NCOA2: variants seen among roughly 807,000 people sequenced by gnomAD.
NCOA2 encodes the protein class E basic helix-loop-helix protein 75.
NCOA2 carries 21 observed loss-of-function variants against 145.1 expected under a neutral mutation model. The observed-to-expected ratio is 0.14, with a 90% confidence interval of 0.10 to 0.21. The LOEUF (loss-of-function observed/expected upper bound fraction) is 0.21, where lower values mean the gene tolerates loss of function less well. Ranked by LOEUF, NCOA2 falls within the 10% of genes least tolerant of loss-of-function variation. The pLI, the probability that NCOA2 is intolerant of heterozygous loss-of-function variation, is 1.00. For synonymous variants in NCOA2, 619 were observed against 637.5 expected (o/e 0.97, Z 0.44); for missense variants, 1,472 against 1,837.6 (o/e 0.80, Z 3.64).
At chr8:70,166,098 A>C (rs543666462) in intron 7 of NCOA2, among the ~76,000 whole-genome samples, 1 of 152,298 alleles carries the variant, frequency 6.6e-6, no homozygotes, top group South Asian at 2.1e-4. Flanking sequence ...CTGGGATTAC[A>C]GGCGTGAGCC....
At chr8:70,149,954 C>T (rs147333489) in intron 11 of NCOA2, among the ~76,000 whole-genome samples, 4 of 152,204 alleles carry the variant, frequency 2.6e-5, no homozygotes, top group African/African-American at 4.8e-5. Flanking sequence ...CATTTTTATC[C>T]GACATACAAT....
chr8:70,175,860 C>T (rs184770688), intron 4 of NCOA2, among the ~76,000 whole-genome samples: 11 of 113,294 alleles, frequency 9.7e-5, no homozygotes, highest in Admixed American at 6.7e-4. Flanking sequence ...GCTTTCAGAA[C>T]CTTAATAATT....
At chr8:70,313,193 G>A (rs1283185885) in intron 1 of NCOA2, among the ~76,000 whole-genome samples, 2 of 152,140 alleles carry the variant, frequency 1.3e-5, no homozygotes, top group African/African-American at 4.8e-5. Flanking sequence ...AGCAAATGAT[G>A]AGGCAAAGGC....
intron 1 of NCOA2, 39 bp downstream of exon 1, chr8:70,403,661 C>G (rs1298595187): frequency 2.7e-6 from 1 of 370,378 alleles, no homozygotes; most frequent in Non-Finnish European, 4.8e-6. Flanking sequence ...CCGCCCGCCC[C>G]CCGCCCGCCC....
chr8:70,155,978 C>G lies in NCOA2; in HGVS notation c.2387G>C (p.Gly796Ala), dbSNP rs748277738. 3 of 1,567,288 alleles carry G rather than the reference C, an allele frequency of 1.9e-6. No homozygotes were observed. The highest frequency in any genetic ancestry group is 8.6e-7 in the Non-Finnish European group (1 of 1,160,048). ...TEKEEMSFEP[G>A]DQPGSELDNL... is the part of the protein sequence containing the mutation. ...AGATGTGATAAAACTTACCTGGTCA[C>G]CAGGCTCAAAGCTCATCTCCTCCTT... The change falls in exon 11 of 23, where the codon GGT becomes GCT. Residue 796 changes from glycine to alanine, a missense_variant. Gly to Ala is a moderately conservative substitution (Grantham distance 60, BLOSUM62 0). Around this residue, in one of 4 missense-constraint regions of NCOA2, gnomAD observed 953 missense variants for 1,062.1 expected, o/e 0.90. Coordinates refer to ENST00000452400, the MANE Select transcript of NCOA2 (RefSeq NM_006540.4).
chr8:70,443,230 TG>T, the NCOA2 span, among the ~76,000 whole-genome samples: 152,090 of 152,092 alleles, frequency 1, 76,044 homozygotes, highest in Middle Eastern at 1. Flanking sequence ...AGCTGGGTGG[TG>T]GGGGGCGCAT....
At chr8:70,441,746 AAG>A in the NCOA2 span, among the ~76,000 whole-genome samples, 3 of 150,816 alleles carry the variant, frequency 2.0e-5, no homozygotes, top group Non-Finnish European at 3.0e-5. Flanking sequence ...AGAAACAGGA[AAG>A]AGAGAAAGAA....
chr8:70,183,203 G>A (rs1815680215), intron 4 of NCOA2, among the ~76,000 whole-genome samples: 1 of 152,160 alleles, frequency 6.6e-6, no homozygotes, highest in Admixed American at 6.5e-5. Flanking sequence ...ATTGAGATTA[G>A]ATGAAAGAAG....
At chr8:70,169,619 T>C (rs1240476237) in intron 6 of NCOA2, among the ~76,000 whole-genome samples, 2 of 151,990 alleles carry the variant, frequency 1.3e-5, no homozygotes, top group Non-Finnish European at 2.9e-5. Flanking sequence ...AAAAAAACAA[T>C]CTCTGCATTA....
At chr8:70,324,332 T>G (rs1217172224) in intron 1 of NCOA2, among the ~76,000 whole-genome samples, 3 of 152,118 alleles carry the variant, frequency 2.0e-5, no homozygotes, top group Non-Finnish European at 4.4e-5. Context: ...ATTAATATCT[T>G]TGTTTTTTTT....
intron 2 of NCOA2, among the ~76,000 whole-genome samples, chr8:70,244,432 T>A (rs1401131018): frequency 2.0e-5 from 3 of 152,084 alleles, no homozygotes; most frequent in Non-Finnish European, 4.4e-5. Flanking sequence ...TAACTGTATG[T>A]TATTTAGCTC....
At chr8:70,444,923 T>C in the NCOA2 span, among the ~76,000 whole-genome samples, 2 of 152,242 alleles carry the variant, frequency 1.3e-5, no homozygotes, top group Non-Finnish European at 2.9e-5. Context: ...CTTAGAGTTT[T>C]ATTAATTTCT....
At chr8:70,339,625 C>T (rs563718089) in intron 1 of NCOA2, among the ~76,000 whole-genome samples, 1 of 152,136 alleles carries the variant, frequency 6.6e-6, no homozygotes, top group Non-Finnish European at 1.5e-5. Context: ...GCCCAAATAG[C>T]TAAGACAATC....
upstream of NCOA2, among the ~76,000 whole-genome samples, chr8:70,404,115 CAG>C (rs1814643698): frequency 6.6e-6 from 1 of 152,196 alleles, no homozygotes; most frequent in African/African-American, 2.4e-5. Flanking sequence ...TCTCCGTCGG[CAG>C]AGTCCTCTGA....
chr8:70,293,626 C>CTT (rs1826874042), intron 2 of NCOA2, among the ~76,000 whole-genome samples: 1 of 152,290 alleles, frequency 6.6e-6, no homozygotes, highest in African/African-American at 2.4e-5. Flanking sequence ...ACAGAGAAAA[C>CTT]TTATAAATAA....
chr8:70,340,510 T>C (rs975349803), intron 1 of NCOA2, among the ~76,000 whole-genome samples: 1 of 152,090 alleles, frequency 6.6e-6, no homozygotes, highest in Non-Finnish European at 1.5e-5. Context: ...TGTAAATTAG[T>C]TCAACCATTG....
Position 70,130,929 on chromosome 8 carries a change from T to C in NCOA2, c.3324+908A>G, listed in dbSNP as rs16936747. On this transcript the variant is annotated intron_variant, in intron 16 of 22. Transcript: ENST00000452400. ...TGCAGTCAGTTCAGATAGTGTTTTG[T>C]TCTTTCAAGGGACTATGTTAGGTTA... 2.7e-3 allele frequency among the ~76,000 whole-genome samples: 411 copies of C among 152,378 alleles called. 1 individual carries two copies. The Middle Eastern group carries it at 0.027, about 10-fold the overall frequency.
the NCOA2 span, among the ~76,000 whole-genome samples, chr8:70,448,497 C>T: frequency 6.6e-6 from 1 of 152,152 alleles, no homozygotes; most frequent in Non-Finnish European, 1.5e-5. Flanking sequence ...TTCTGAACTA[C>T]TGCCCTGTGA....
intron 2 of NCOA2, among the ~76,000 whole-genome samples, chr8:70,266,291 T>C (rs1824583516): frequency 6.6e-6 from 1 of 152,200 alleles, no homozygotes; most frequent in South Asian, 2.1e-4. Context: ...GCCACCTGAG[T>C]AGGCGGGACT....
Sources: gnomAD v4.1 joint callset for allele counts (sites outside exome capture counted in the v4.1 genomes callset) on GRCh38, gnomAD v4.1.1 for gene constraint, gnomAD v4.1.1 regional missense constraint, MANE v1.5 for transcripts, NCBI Gene and HGNC (gene_info 2026-07-23, HGNC 2026-07-21) for gene names.